Variants in CNR1 observed in about 807,000 individuals in gnomAD.
CNR1 encodes the protein cannabinoid receptor 1 (brain).
A neutral mutation model predicts 23.0 loss-of-function variants in CNR1; 10 were observed. That is an observed-to-expected ratio of 0.43 (90% confidence interval 0.27 to 0.74). CNR1 has a LOEUF of 0.74. CNR1 is among the 30% of genes least tolerant of loss of function. The probability of loss-of-function intolerance (pLI) is 0.19; values close to 1 mark genes in which losing one functional copy is unlikely to be tolerated. For synonymous variants in CNR1, 271 were observed against 255.2 expected (o/e 1.06, Z -0.59); for missense variants, 422 against 618.8 (o/e 0.68, Z 3.37).
intron 1 of CNR1, among the ~76,000 whole-genome samples, chr6:88,163,550 G>A (rs1055988028): frequency 6.6e-6 from 1 of 152,206 alleles, no homozygotes; most frequent in East Asian, 1.9e-4. Context: ...TTGAGTCAAA[G>A]CAAAGAACAG....
rs752402832 is a variant in CNR1, at chr6:88,144,684, C to A, written c.591G>T (p.Thr197=). The A allele has an allele frequency of 3.1e-6, 5 of 1,614,054 alleles. No homozygotes were observed. In the Admixed American group the frequency reaches 6.7e-5, roughly 22 times the overall value. Reference sequence around the variant, plus strand: ...TGCCCACGGAGGCAGTGAAGGAGGCCGTGACCCCACCCAGTTTGAACAGAA... The same window carrying A: ...TGCCCACGGAGGCAGTGAAGGAGGCAGTGACCCCACCCAGTTTGAACAGAA... ...NVFLFKLGGV[T]ASFTASVGSL... The change falls in exon 2 of 2, where the codon ACG becomes ACT. Residue 197 remains threonine, a synonymous_variant. Coordinates refer to ENST00000369501, the MANE Select transcript of CNR1 (RefSeq NM_016083.6). This position sits in a 1 kb window ranked among gnomAD's most constrained non-coding sequence, Gnocchi z 7.8.
At chr6:88,166,859 C>A (rs1778391245), upstream of CNR1, among the ~76,000 whole-genome samples, 1 of 151,998 alleles carries the variant, frequency 6.6e-6, no homozygotes, top group Non-Finnish European at 1.5e-5. Context: ...GGTCTCGCGC[C>A]CCCTCCCTCC....
intron 1 of CNR1, among the ~76,000 whole-genome samples, chr6:88,146,099 T>TTTTC (rs554142350): frequency 1.3e-3 from 196 of 151,950 alleles, no homozygotes; most frequent in African/African-American, 2.0e-3. Context: ...AGAGTTTTTT[T>TTTTC]TTTCTTTCTT....
intron 1 of CNR1, among the ~76,000 whole-genome samples, chr6:88,163,194 T>A (rs1778195978): frequency 6.6e-6 from 1 of 152,214 alleles, no homozygotes; most frequent in Non-Finnish European, 1.5e-5. Flanking sequence ...TTTCCTGGAA[T>A]AAAAGAAGCA....
chr6:88,156,424 G>A (rs1777799550), intron 1 of CNR1, among the ~76,000 whole-genome samples: 3 of 152,144 alleles, frequency 2.0e-5, no homozygotes, highest in Non-Finnish European at 2.9e-5. Context: ...CAAGGGAAAT[G>A]GTTCTCCCCT....
At chr6:88,155,905 T>C (rs1777767535) in intron 1 of CNR1, among the ~76,000 whole-genome samples, 1 of 152,216 alleles carries the variant, frequency 6.6e-6, no homozygotes, top group African/African-American at 2.4e-5. Context: ...GTAATGACAC[T>C]TTCCACAACA....
intron 1 of CNR1, chr6:88,164,400 A>G (rs1341900408): frequency 6.6e-6 from 1 of 152,394 alleles, no homozygotes; most frequent in African/African-American, 2.4e-5. Context: ...CCACTATGGT[A>G]ACTGCCATTG....
chr6:88,144,730 C>T lies in CNR1; in HGVS notation c.545G>A (p.Arg182His), dbSNP rs868306589. Residue 182 changes from arginine to histidine, a missense_variant, in exon 2 of 2, where the codon CGC becomes CAC. Around this residue, in one of 4 missense-constraint regions of CNR1, gnomAD observed 211 missense variants for 357.3 expected, o/e 0.59. Transcript: ENST00000369501. This position sits in a 1 kb window ranked among gnomAD's most constrained non-coding sequence, Gnocchi z 7.8. ...CAGAAACACGTTGCGGCTATCTTTGCGGTGGAACACGTGGAAGTCAATGAA... is the reference window on the plus strand; with the variant it reads ...CAGAAACACGTTGCGGCTATCTTTGTGGTGGAACACGTGGAAGTCAATGAA... ...YSFIDFHVFH[R>H]KDSRNVFLFK... The T allele has an allele frequency of 4.3e-6, 7 of 1,614,112 alleles. No homozygotes were observed. Among genetic ancestry groups the T allele is most frequent in the Non-Finnish European group, 5.9e-6 (7 of 1,180,014 alleles).
chr6:88,165,542 T>G (rs1778325628), intron 1 of CNR1, among the ~76,000 whole-genome samples: 1 of 152,208 alleles, frequency 6.6e-6, no homozygotes. Context: ...CATGCACAAT[T>G]ACCCATTTTC....
Position 88,165,882 on chromosome 6 carries a change from C to G in CNR1, c.-143G>C, listed in dbSNP as rs1778345208. On this transcript the variant is annotated 5_prime_UTR_variant, in exon 1 of 2. Coordinates refer to ENST00000369501, the MANE Select transcript of CNR1 (RefSeq NM_016083.6). The stretch of plus-strand genomic sequence containing the variant: ...CTCAGGGGCTGGTTGTCCGCTAGAA[C>G]GAAATATCCCCCACTGACTACGGAG... The G allele has an allele frequency of 6.6e-6, 1 of 152,488 alleles. No individual in the cohort carries two copies. Among genetic ancestry groups the G allele is most frequent in the Non-Finnish European group, 1.5e-5 (1 of 68,156 alleles). 9.4% of individuals were successfully genotyped at this position (152,488 alleles called of 1,614,324 possible). A position where few individuals can be genotyped will look rare whatever the true frequency, so the allele number is the denominator to read the frequency against.
At chr6:88,147,879 C>T (rs1367567092) in intron 1 of CNR1, 2 of 152,478 alleles carry the variant, frequency 1.3e-5, no homozygotes, top group East Asian at 3.7e-4. Context: ...ATGCAACTCT[C>T]GTCTGCCTTC....
intron 1 of CNR1, among the ~76,000 whole-genome samples, chr6:88,156,687 ATC>A (rs1260605933): frequency 6.6e-6 from 1 of 152,164 alleles, no homozygotes; most frequent in Non-Finnish European, 1.5e-5. Context: ...GCTGGGAACT[ATC>A]TTATAGGTCC....
At chr6:88,160,879 G>A (rs1018108479) in intron 1 of CNR1, among the ~76,000 whole-genome samples, 2 of 152,082 alleles carry the variant, frequency 1.3e-5, no homozygotes, top group African/African-American at 2.4e-5. Flanking sequence ...ATAAAGAAAT[G>A]GTGAAGGAAA....
intron 1 of CNR1, among the ~76,000 whole-genome samples, chr6:88,163,472 A>C (rs989421302): frequency 1.3e-5 from 2 of 152,228 alleles, no homozygotes; most frequent in African/African-American, 4.8e-5. Flanking sequence ...TTTGATTTCT[A>C]ATTCCAAACA....
chr6:88,160,710 C>A (rs1419989678), intron 1 of CNR1, among the ~76,000 whole-genome samples: 2 of 152,168 alleles, frequency 1.3e-5, no homozygotes, highest in South Asian at 2.1e-4. Flanking sequence ...GCTGGGATTG[C>A]AGGCGTGAGC....
In CNR1 at chr6:88,144,185, C is replaced by A; in HGVS notation, c.1090G>T (p.Val364Leu). 4 of 1,613,494 alleles carry A rather than the reference C, an allele frequency of 2.5e-6. No individual in the cohort carries two copies. Among genetic ancestry groups the A allele is most frequent in the Non-Finnish European group, 3.4e-6 (4 of 1,179,968 alleles). The change falls in exon 2 of 2, where the codon GTG becomes TTG. Residue 364 changes from valine (V) to leucine (L), a missense_variant. Physicochemically the swap from Val to Leu is conservative, Grantham distance 32. Around this residue, in one of 4 missense-constraint regions of CNR1, gnomAD observed 211 missense variants for 357.3 expected, o/e 0.59. Transcript: ENST00000369501. This position sits in a 1 kb window ranked among gnomAD's most constrained non-coding sequence, Gnocchi z 7.8. ...TTCATCTTCCCAAAGACATCATACA[C>A]CATGATTGCAAGCAGAGGGCCCCAG... ...ICWGPLLAIM[V>L]YDVFGKMNKL...
In CNR1 at chr6:88,156,255, T is replaced by C. The variant is rs578171016; in HGVS notation, c.-64+9548A>G. ...GCTAATAGATATAAAGTTACAGGCC[T>C]TCAAATGCTTGATTTAACACATTTT... On this transcript the variant is annotated intron_variant, in intron 1 of 1. Transcript: ENST00000369501. 2.0e-5 allele frequency among the ~76,000 whole-genome samples: 3 copies of C among 152,340 alleles called. No homozygotes were observed. The South Asian group carries it at 6.2e-4, about 32-fold the overall frequency.
In CNR1 at chr6:88,145,194, G is replaced by A; in HGVS notation, c.81C>T (p.Asp27=). ...CACCTTTGATGTCTTCGTACTGAAT[G>A]TCATTTGAGCCCACGTACAGGAGGT... ...TTDLLYVGSN[D]IQYEDIKGDM... is the part of the protein sequence containing the mutation. The change falls in exon 2 of 2, where the codon GAC becomes GAT. Residue 27 remains aspartate (D), a synonymous_variant. Transcript: ENST00000369501. The A allele has an allele frequency of 1.2e-6, 2 of 1,614,160 alleles. No individual in the cohort carries two copies. The highest frequency in any genetic ancestry group is 1.7e-6 in the Non-Finnish European group (2 of 1,180,034).
In CNR1 at chr6:88,144,541, A is replaced by G; in HGVS notation, c.734T>C (p.Ile245Thr). 6.2e-7 allele frequency: 1 copy of G among 1,614,202 alleles called. No homozygotes were observed. The highest frequency in any genetic ancestry group is 1.1e-5 in the South Asian group (1 of 91,090). The change falls in exon 2 of 2, where the codon ATT becomes ACT. Residue 245 changes from isoleucine to threonine, a missense_variant. By Grantham distance (89) the Ile-to-Thr change is moderately conservative (BLOSUM62 -1). Around this residue, in one of 4 missense-constraint regions of CNR1, gnomAD observed 211 missense variants for 357.3 expected, o/e 0.59. Transcript: ENST00000369501. The surrounding 1 kb of genome is among the most constrained non-coding windows in gnomAD (Gnocchi z 7.8). ...CAGGAGAGGCAGCACGGCGATCACA[A>G]TGGCTATGGTCCACATCAGGCAAAA... ...VAFCLMWTIA[I>T]VIAVLPLLGW...
Sources: gnomAD v4.1 joint callset for allele counts (sites outside exome capture counted in the v4.1 genomes callset) on GRCh38, gnomAD v4.1.1 for gene constraint, gnomAD v4.1.1 regional missense constraint, Gnocchi (gnomAD v3.1) non-coding constraint, MANE v1.5 for transcripts, NCBI Gene and HGNC (gene_info 2026-07-23, HGNC 2026-07-21) for gene names.